RNF220: variants seen among roughly 807,000 people sequenced by gnomAD.
The protein encoded by RNF220 is ring finger protein 220, also known as E3 ubiquitin-protein ligase RNF220.
In RNF220, 7 loss-of-function variants were observed where a neutral mutation model predicts 67.1. The ratio of observed to expected loss-of-function variants is 0.10; its 90% CI spans 0.06 to 0.20. The LOEUF (loss-of-function observed/expected upper bound fraction) is 0.20, where lower values mean the gene tolerates loss of function less well. Among genes scored for constraint, RNF220 ranks in the 10% least tolerant of loss-of-function variants. The pLI is 1.00. For missense variants in RNF220, 565 were observed against 740.3 expected, an observed-to-expected ratio of 0.76 and a Z score of 2.75; for synonymous variants, 270 against 283.2, an observed-to-expected ratio of 0.95 and a Z score of 0.47.
chr1:44,465,856 C>T (rs751021926), intron 2 of RNF220, among the ~76,000 whole-genome samples: 1 of 151,914 alleles, frequency 6.6e-6, no homozygotes, highest in South Asian at 2.1e-4. Flanking sequence ...ATCATCTGAG[C>T]CTTCAGCAAA....
intron 2 of RNF220, among the ~76,000 whole-genome samples, chr1:44,422,610 C>T (rs867334185): frequency 4.5e-4 from 68 of 152,308 alleles, no homozygotes; most frequent in African/African-American, 1.6e-3. Context: ...ACCCACTGTC[C>T]TCTTCATGAG....
intron 6 of RNF220, chr1:44,635,300 C>T (rs149684841): frequency 4.8e-4 from 247 of 517,792 alleles, no homozygotes; most frequent in Non-Finnish European, 7.3e-4. Context: ...AGACCTTGCA[C>T]CAGCTGCAGC....
At chr1:44,513,023 A>T (rs897707067) in intron 2 of RNF220, among the ~76,000 whole-genome samples, 1 of 152,154 alleles carries the variant, frequency 6.6e-6, no homozygotes, top group Non-Finnish European at 1.5e-5. Flanking sequence ...TGCTAGCAGC[A>T]TCCTCAGCAT....
At position 44,642,245 on chromosome 1, in the gene RNF220, T is replaced by C. The variant is rs1405546248; in HGVS notation, c.1127-2453T>C. The stretch of plus-strand genomic sequence containing the variant: ...GAAGGGACACCTGTGTATAAGAACG[T>C]GGGAAGCCCCATCTGCCACGCAGAG... On this transcript the variant is annotated intron_variant, in intron 8 of 14. Transcript: ENST00000361799. 5.3e-5 allele frequency among the ~76,000 whole-genome samples: 8 copies of C among 152,308 alleles called. No individual in the cohort carries two copies. The East Asian group carries it at 1.5e-3, about 29-fold the overall frequency.
At chr1:44,429,055 T>C (rs567035803) in intron 2 of RNF220, among the ~76,000 whole-genome samples, 59 of 152,270 alleles carry the variant, frequency 3.9e-4, no homozygotes, top group African/African-American at 1.4e-3. Context: ...AACTGTCTTT[T>C]GCCTCCTCAC....
intron 2 of RNF220, among the ~76,000 whole-genome samples, chr1:44,552,932 T>C (rs1662780500): frequency 1.3e-5 from 2 of 152,168 alleles, no homozygotes; most frequent in African/African-American, 4.8e-5. Flanking sequence ...TTTTCCAGCC[T>C]AATCTCTCAC....
At chr1:44,506,947 A>G (rs1557993172) in intron 2 of RNF220, among the ~76,000 whole-genome samples, 1 of 152,198 alleles carries the variant, frequency 6.6e-6, no homozygotes, top group Non-Finnish European at 1.5e-5. Context: ...CAAATAACCC[A>G]TCATGCCCTC....
At chr1:44,458,357 A>G (rs139548820) in intron 2 of RNF220, among the ~76,000 whole-genome samples, 2,427 of 147,122 alleles carry the variant, frequency 0.016, 38 homozygotes, top group South Asian at 0.049. Flanking sequence ...TTTTTTTACT[A>G]ATATCATAAT....
At chr1:44,506,665 G>A (rs781774) in intron 2 of RNF220, among the ~76,000 whole-genome samples, 146,181 of 152,336 alleles carry the variant, frequency 0.96, 70,420 homozygotes, top group Middle Eastern at 1. Context: ...GCTCTGACTG[G>A]CTGGGCTTCT....
At chr1:44,595,311 C>G (rs141106351) in intron 2 of RNF220, among the ~76,000 whole-genome samples, 1 of 152,186 alleles carries the variant, frequency 6.6e-6, no homozygotes, top group African/African-American at 2.4e-5. Flanking sequence ...GGAGCCACAG[C>G]GACACCTACT....
At position 44,651,228 on chromosome 1, in the gene RNF220, T is replaced by G. The variant is rs1251744631; in HGVS notation, c.*453T>G. The G allele has an allele frequency of 5.4e-6, 1 of 184,932 alleles. No homozygotes were observed. Among genetic ancestry groups the G allele is most frequent in the African/African-American group, 2.3e-5 (1 of 43,278 alleles). The allele number at this position is 184,932 out of a possible 1,614,324, so 11.5% of individuals were successfully genotyped here. ...CCTGTCCCCTCCCCCTTTGGTTGTATGATTTTCTTCTTTTTTAAGAACCCC... is the reference window on the plus strand; with the variant it reads ...CCTGTCCCCTCCCCCTTTGGTTGTAGGATTTTCTTCTTTTTTAAGAACCCC... On this transcript the variant is annotated 3_prime_UTR_variant, in exon 15 of 15. Coordinates refer to ENST00000361799, the MANE Select transcript of RNF220 (RefSeq NM_018150.4).
intron 1 of RNF220, among the ~76,000 whole-genome samples, chr1:44,406,079 G>A (rs761917979): frequency 2.1e-4 from 32 of 152,202 alleles, no homozygotes; most frequent in Non-Finnish European, 4.4e-4. Context: ...GCGGGCGGAT[G>A]GAGAAGGGGC....
Position 44,649,974 on chromosome 1 carries a change from G to A in RNF220, c.1629+17G>A. The A allele has an allele frequency of 6.2e-7, 1 of 1,612,206 alleles. No individual in the cohort carries two copies. The highest frequency in any genetic ancestry group is 8.5e-7 in the Non-Finnish European group (1 of 1,179,594). ...CGGACCCTGGTGAGGTGGCATGGGG[G>A]TCGGGGAATGGGAGGCCGCTCCGGG... is the stretch of plus-strand genomic sequence containing the variant. On this transcript the variant is annotated intron_variant, in intron 14 of 14. Transcript: ENST00000361799. This position sits in a 1 kb window ranked among gnomAD's most constrained non-coding sequence, Gnocchi z 5.9.
intron 2 of RNF220, among the ~76,000 whole-genome samples, chr1:44,475,195 A>C (rs902042654): frequency 6.6e-6 from 1 of 152,234 alleles, no homozygotes; most frequent in Non-Finnish European, 1.5e-5. Flanking sequence ...AAAGATCTGA[A>C]AAGCCAGTCA....
intron 2 of RNF220, among the ~76,000 whole-genome samples, chr1:44,435,539 G>A (rs973139876): frequency 2.0e-5 from 3 of 152,176 alleles, no homozygotes; most frequent in Non-Finnish European, 4.4e-5. Context: ...CGTTCCTTGG[G>A]ATAAAGAGGA....
rs1644729975 is a variant in RNF220 at position 44,649,351 on chromosome 1, G to A, written c.1446-310G>A. On this transcript the variant is annotated intron_variant, in intron 12 of 14. Coordinates refer to ENST00000361799, the MANE Select transcript of RNF220 (RefSeq NM_018150.4). This position sits in a 1 kb window ranked among gnomAD's most constrained non-coding sequence, Gnocchi z 5.9. ...TGAGAGCCTGGACTCATGGTGGTGA[G>A]GAGAGATGCCGGAGATACTAGGAGA... 2.4e-6 allele frequency: 1 copy of A among 422,508 alleles called. No homozygotes were observed. Among genetic ancestry groups the A allele is most frequent in the East Asian group, 5.0e-5 (1 of 19,880 alleles). The allele number at this position is 422,508 out of a possible 1,614,324, so 26.2% of individuals were successfully genotyped here.
intron 2 of RNF220, among the ~76,000 whole-genome samples, chr1:44,449,644 A>G (rs1652464003): frequency 2.6e-5 from 4 of 151,764 alleles, no homozygotes; most frequent in Admixed American, 2.0e-4. Flanking sequence ...TAACTCCTAG[A>G]CTCATGTGAT....
At chr1:44,413,677 T>G (rs1022617370) in intron 2 of RNF220, among the ~76,000 whole-genome samples, 2 of 152,304 alleles carry the variant, frequency 1.3e-5, no homozygotes, top group Admixed American at 1.3e-4. Flanking sequence ...ACGCAACCCT[T>G]TGTTCTCAGA....
chr1:44,422,008 G>C (rs1649277170), intron 2 of RNF220, among the ~76,000 whole-genome samples: 1 of 152,184 alleles, frequency 6.6e-6, no homozygotes, highest in African/African-American at 2.4e-5. Flanking sequence ...GAAGGGTTCA[G>C]CTCACCTTTG....
Sources: gnomAD v4.1 joint callset for allele counts (sites outside exome capture counted in the v4.1 genomes callset) on GRCh38, gnomAD v4.1.1 for gene constraint, Gnocchi (gnomAD v3.1) non-coding constraint, MANE v1.5 for transcripts, NCBI Gene and HGNC (gene_info 2026-07-23, HGNC 2026-07-21) for gene names.